REG1A: variants seen among roughly 807,000 people sequenced by gnomAD.
The protein encoded by REG1A is regenerating family member 1 alpha.
In REG1A, 20 loss-of-function variants were observed where a neutral mutation model predicts 20.7. That is an observed-to-expected ratio of 0.97 (90% CI 0.68 to 1.41). The LOEUF is 1.41. REG1A is among the 40% of genes most tolerant of loss of function. REG1A has a pLI of 0.00. For missense variants in REG1A, 193 were observed against 201.8 expected (o/e 0.96, Z 0.26); for synonymous variants, 90 against 71.6 (o/e 1.26, Z -1.30).
At chr2:79,122,153 AT>A in intron 4 of REG1A, 28 bp downstream of exon 4, 1 of 1,611,390 alleles carries the variant, frequency 6.2e-7, no homozygotes, top group Non-Finnish European at 8.5e-7. Flanking sequence ...TTATCTCCTA[AT>A]GATCAGGTTT....
chr2:79,121,941 G>C, intron 3 of REG1A, 47 bp from the exon 4 acceptor site: 1 of 1,606,668 alleles, frequency 6.2e-7, no homozygotes, highest in African/African-American at 1.3e-5. Flanking sequence ...CAGTATATCC[G>C]TCACAACTTC....
intron 4 of REG1A, 120 bp downstream of exon 4, chr2:79,122,245 T>C (rs1672898172): frequency 2.8e-6 from 3 of 1,056,872 alleles, no homozygotes; most frequent in Admixed American, 5.2e-5. Context: ...TGTTTACAGA[T>C]CCTCTAATGT....
chr2:79,122,293 T>A, intron 4 of REG1A, 168 bp downstream of exon 4: 1 of 645,112 alleles, frequency 1.6e-6, no homozygotes, highest in Non-Finnish European at 2.5e-6. Context: ...ATTGGAGATA[T>A]AAGTGGAAGG....
Position 79,123,379 on chromosome 2 carries a change from C to G in REG1A, c.*164C>G, listed in dbSNP as rs12072. ...TTTACCTACCCCAGTCTTTGGAACC[C>G]TAAATAATAAAAATAAACATGTTTC... On this transcript the variant is annotated 3_prime_UTR_variant, in exon 6 of 6. Transcript: ENST00000233735. 7.5e-6 allele frequency: 4 copies of G among 536,802 alleles called. No homozygotes were observed. The highest frequency in any genetic ancestry group is 3.3e-5 in the Admixed American group (1 of 30,018). The allele number at this position is 536,802 out of a possible 1,614,324, so 33.3% of individuals were successfully genotyped here.
At chr2:79,121,037 G>C (rs1294982713) in intron 2 of REG1A, 112 bp downstream of exon 2, 5 of 824,572 alleles carry the variant, frequency 6.1e-6, no homozygotes, top group Non-Finnish European at 9.7e-6. Flanking sequence ...ACTGTTAAGG[G>C]TTGTTTTGTG....
At chr2:79,122,688 A>C (rs1051765548) in intron 4 of REG1A, among the ~76,000 whole-genome samples, 153 bp from the exon 5 acceptor site, 6 of 152,212 alleles carry the variant, frequency 3.9e-5, no homozygotes, top group African/African-American at 1.4e-4. Flanking sequence ...TTCAGGAAAG[A>C]AGTTTAGAGC....
chr2:79,122,991 T>G, intron 5 of REG1A, 39 bp downstream of exon 5: 4 of 1,562,834 alleles, frequency 2.6e-6, no homozygotes, highest in Non-Finnish European at 3.5e-6. Flanking sequence ...TTCTGTTCTC[T>G]CCTGCTTAGC....
chr2:79,123,078 T>C, intron 5 of REG1A, 70 bp from the exon 6 acceptor site: 2 of 1,475,588 alleles, frequency 1.4e-6, no homozygotes, highest in Middle Eastern at 3.5e-4. Flanking sequence ...GTTTTTGTCC[T>C]GAGTCCTAAA....
chr2:79,120,993 G>C (rs1478508476), intron 2 of REG1A, 68 bp downstream of exon 2: 2 of 1,226,584 alleles, frequency 1.6e-6, no homozygotes, highest in South Asian at 1.4e-5. Flanking sequence ...CCAAGCATAC[G>C]GGTCTACTTG....
In REG1A at chr2:79,121,581, G is replaced by A. The variant is rs1272270041; in HGVS notation, c.84G>A (p.Glu28=). The A allele has an allele frequency of 5.0e-6, 8 of 1,613,978 alleles. No homozygotes were observed. Among genetic ancestry groups the A allele is most frequent in the Non-Finnish European group, 6.8e-6 (8 of 1,179,986 alleles). ...TTTCAGGCCAAGAGGCCCAGACAGA[G>A]TTGCCCCAGGCCCGGATCAGCTGCC... is the stretch of plus-strand genomic sequence containing the variant. ...SQSQGQEAQT[E]LPQARISCPE... is the part of the protein sequence containing the mutation. Residue 28 remains glutamate (E), a synonymous_variant, in exon 3 of 6, where the codon GAG becomes GAA. Coordinates refer to ENST00000233735, the MANE Select transcript of REG1A (RefSeq NM_002909.5).
At chr2:79,120,792 C>G in intron 1 of REG1A, 24 bp from the exon 2 acceptor site, 8 of 1,232,308 alleles carry the variant, frequency 6.5e-6, no homozygotes, top group Non-Finnish European at 9.1e-6. Flanking sequence ...CTCTCAGAAC[C>G]CCCTTCTCTG....
chr2:79,120,671 C>G, intron 1 of REG1A, 145 bp from the exon 2 acceptor site: 1 of 452,456 alleles, frequency 2.2e-6, no homozygotes, highest in Non-Finnish European at 3.9e-6. Context: ...TCTGTATAAT[C>G]CCCACTCTCA....
chr2:79,122,199 T>A (rs766721924), intron 4 of REG1A, 74 bp downstream of exon 4: 4 of 1,497,036 alleles, frequency 2.7e-6, no homozygotes, highest in Admixed American at 3.9e-5. Context: ...TCTGGTCTCT[T>A]AAGTACCAGC....
At chr2:79,123,025 G>A in intron 5 of REG1A, 73 bp downstream of exon 5, 1 of 1,479,958 alleles carries the variant, frequency 6.8e-7, no homozygotes, top group Non-Finnish European at 9.4e-7. Context: ...CTGGGACTGG[G>A]ATAGAGGAAA....
chr2:79,122,367 A>G (rs959884294), intron 4 of REG1A, among the ~76,000 whole-genome samples: 4 of 152,202 alleles, frequency 2.6e-5, no homozygotes, highest in African/African-American at 9.6e-5. Flanking sequence ...TCAACAAAGC[A>G]TCTTTATGCA....
chr2:79,121,501 C>A, intron 2 of REG1A, 61 bp from the exon 3 acceptor site: 1 of 1,353,316 alleles, frequency 7.4e-7, no homozygotes, highest in Non-Finnish European at 1.1e-6. Context: ...GAAGCTCTTA[C>A]CTCACCTTCA....
Position 79,120,945 on chromosome 2 carries a change from A to G in REG1A, c.64+20A>G, listed in dbSNP as rs753618635. On this transcript the variant is annotated intron_variant, in intron 2 of 5. Transcript: ENST00000233735. ...GCCAAGGTAAGATCTCTTTTCCACC[A>G]ACCAACTCTTTCTAGCCCTGAAGAC... is the stretch of plus-strand genomic sequence containing the variant. 1 of 1,607,810 alleles carries G rather than the reference A, an allele frequency of 6.2e-7. No homozygotes were observed. The highest frequency in any genetic ancestry group is 8.5e-7 in the Non-Finnish European group (1 of 1,175,294).
At position 79,121,057 on chromosome 2, in the gene REG1A, G is replaced by C. The variant is rs1672877136; in HGVS notation, c.64+132G>C. The C allele has an allele frequency of 6.1e-6, 4 of 654,838 alleles. No homozygotes were observed. The East Asian group carries it at 1.1e-4, about 17-fold the overall frequency. The allele number at this position is 654,838 out of a possible 1,614,324, so 40.6% of individuals were successfully genotyped here. ...TAAGGGTTGTTTTGTGGTGTTTAGT[G>C]ATCTTTATTGCTGATCTCTTCACAT... On this transcript the variant is annotated intron_variant, in intron 2 of 5. Coordinates refer to ENST00000233735, the MANE Select transcript of REG1A (RefSeq NM_002909.5).
At chr2:79,121,414 G>A (rs1224730415) in intron 2 of REG1A, 148 bp from the exon 3 acceptor site, 1 of 694,962 alleles carries the variant, frequency 1.4e-6, no homozygotes, top group African/African-American at 1.8e-5. Context: ...AAAGACAGAA[G>A]ATGTAGGATG....
Sources: allele counts gnomAD v4.1 joint callset (sites outside exome capture counted in the v4.1 genomes callset), GRCh38; gene constraint gnomAD v4.1.1; transcripts MANE v1.5; gene names NCBI Gene and HGNC (gene_info 2026-07-23, HGNC 2026-07-21).